ZIM2: variants seen among roughly 807,000 people sequenced by gnomAD.
ZIM2 encodes the protein zinc finger protein 656.
ZIM2 carries 14 observed loss-of-function variants against 38.6 expected under a neutral mutation model. The observed-to-expected ratio is 0.36, with a 90% CI of 0.24 to 0.57. ZIM2 has a LOEUF of 0.57. ZIM2 is among the 20% of genes least tolerant of loss of function. The pLI is 0.81. For synonymous variants in ZIM2, 247 were observed against 245.8 expected (o/e 1.00, Z -0.04); for missense variants, 680 against 695.1 (o/e 0.98, Z 0.24).
Position 56,817,561 on chromosome 19 carries a change from T to C in ZIM2, c.490+185A>G, listed in dbSNP as rs1308181339. 11 of 1,593,144 alleles carry C rather than the reference T, an allele frequency of 6.9e-6. No individual in the cohort carries two copies. In the East Asian group the frequency reaches 2.5e-4, roughly 36 times the overall value. ...CCGCCGGTGGGTTGATTTTTTGGCT[T>C]CAGGCATAGTTTTTAGACCTGGAAA... is the stretch of plus-strand genomic sequence containing the variant. On this transcript the variant is annotated intron_variant, in intron 9 of 12. Transcript: ENST00000629319.
intron 10 of ZIM2, among the ~76,000 whole-genome samples, chr19:56,783,131 T>C (rs2046412568): frequency 6.6e-6 from 1 of 152,150 alleles, no homozygotes; most frequent in African/African-American, 2.4e-5. Context: ...GCATGTTTAT[T>C]ATAGCATGTT....
At chr19:56,821,868 C>T in intron 6 of ZIM2, 114 bp from the exon 7 acceptor site, 3 of 1,104,340 alleles carry the variant, frequency 2.7e-6, no homozygotes, top group Non-Finnish European at 2.7e-6. Flanking sequence ...AGAGCAAGTG[C>T]CTTTCTCTTC....
chr19:56,782,887 T>C (rs956601708), intron 10 of ZIM2, among the ~76,000 whole-genome samples: 2 of 152,110 alleles, frequency 1.3e-5, no homozygotes, highest in African/African-American at 4.8e-5. Context: ...TTACACTCTT[T>C]ATTTTAAAAT....
intron 12 of ZIM2, 99 bp from the exon 13 acceptor site, chr19:56,775,628 C>T: frequency 6.7e-7 from 1 of 1,482,856 alleles, no homozygotes; most frequent in Non-Finnish European, 8.9e-7. Flanking sequence ...GGAGTTAGTG[C>T]TTTGGTTTCA....
chr19:56,836,021 G>C lies in ZIM2; in HGVS notation c.-230C>G, dbSNP rs113154455. On this transcript the variant is annotated 5_prime_UTR_variant, in exon 2 of 13. Coordinates refer to ENST00000629319, the MANE Select transcript of ZIM2 (RefSeq NM_001387356.1). The stretch of plus-strand genomic sequence containing the variant: ...GTGAGGAGGAAATTCAACTCACCTG[G>C]ACCCAGCCACCTAGCGTTTGGACCT... The C allele has an allele frequency of 1.5e-4, 77 of 512,118 alleles. No homozygotes were observed. The highest frequency in any genetic ancestry group is 1.3e-3 in the African/African-American group (70 of 51,980). 31.7% of individuals were successfully genotyped at this position (512,118 alleles called of 1,614,324 possible). A position where few individuals can be genotyped will look rare whatever the true frequency, so the allele number is the denominator to read the frequency against.
intron 7 of ZIM2, among the ~76,000 whole-genome samples, chr19:56,820,895 A>G (rs563772773): frequency 6.6e-6 from 1 of 152,194 alleles, no homozygotes; most frequent in Admixed American, 6.5e-5. Flanking sequence ...AGGAAGGCTC[A>G]GCCCAATGGC....
intron 9 of ZIM2, chr19:56,816,235 G>T: frequency 1.2e-6 from 2 of 1,614,108 alleles, no homozygotes; most frequent in Non-Finnish European, 1.7e-6. Flanking sequence ...TCTTGTTATA[G>T]TATGACTCTT....
chr19:56,776,899 A>G (rs554925432), intron 12 of ZIM2, among the ~76,000 whole-genome samples: 1 of 152,268 alleles, frequency 6.6e-6, no homozygotes, highest in East Asian at 1.9e-4. Flanking sequence ...AGTCCTGGGG[A>G]GCTAGAAACA....
intron 9 of ZIM2, chr19:56,791,198 C>G (rs1277395663): frequency 6.6e-6 from 1 of 152,160 alleles, no homozygotes; most frequent in Non-Finnish European, 1.5e-5. Context: ...GATGCTGAAG[C>G]CAGCAGCCTA....
At chr19:56,778,599 T>G (rs570289983) in intron 12 of ZIM2, among the ~76,000 whole-genome samples, 22 of 152,216 alleles carry the variant, frequency 1.4e-4, no homozygotes, top group Non-Finnish European at 2.8e-4. Context: ...TAGGATTTAT[T>G]GTCAGAGTCG....
intron 9 of ZIM2, chr19:56,813,561 T>C (rs2059688235): frequency 1.4e-6 from 2 of 1,459,130 alleles, no homozygotes; most frequent in South Asian, 1.5e-5. Flanking sequence ...GTCAGGTGTG[T>C]AACACACTAA....
intron 7 of ZIM2, among the ~76,000 whole-genome samples, chr19:56,819,441 A>G (rs2060272634): frequency 6.6e-6 from 1 of 152,222 alleles, no homozygotes; most frequent in Non-Finnish European, 1.5e-5. Context: ...CCAGGATTCT[A>G]AAGGACCTTT....
Position 56,814,553 on chromosome 19 carries a change from G to A in ZIM2, c.490+3193C>T. On this transcript the variant is annotated intron_variant, in intron 9 of 12. Coordinates refer to ENST00000629319, the MANE Select transcript of ZIM2 (RefSeq NM_001387356.1). The surrounding 1 kb of genome is among the most constrained non-coding windows in gnomAD (Gnocchi z 5.8). ...TTATGAACAGTTACGTGATCTGCAAGTTCTGCTGGGTTGACGAAAGATTCT... is the reference window on the plus strand; with the variant it reads ...TTATGAACAGTTACGTGATCTGCAAATTCTGCTGGGTTGACGAAAGATTCT... 6.2e-7 allele frequency: 1 copy of A among 1,613,814 alleles called. No individual in the cohort carries two copies. The highest frequency in any genetic ancestry group is 1.1e-5 in the South Asian group (1 of 91,056).
Position 56,781,954 on chromosome 19 carries a change from C to T in ZIM2, c.738G>A (p.Leu246=), listed in dbSNP as rs750882459. ...MLENYRNLVS[L]GHQFSKPDII... ...GTCCTGTGGAGAAGGCATACTTACC[C>T]AGGGAGACCAGGTTCCGGTAATTCT... is the stretch of plus-strand genomic sequence containing the variant. The change falls in exon 11 of 13, where the codon CTG becomes CTA. Residue 246 remains leucine (L), a splice_region_variant and synonymous_variant. Transcript: ENST00000629319. 2 of 1,613,158 alleles carry T rather than the reference C, an allele frequency of 1.2e-6. No homozygotes were observed. The highest frequency in any genetic ancestry group is 1.3e-5 in the African/African-American group (1 of 74,878).
At position 56,819,827 on chromosome 19, in the gene ZIM2, G is replaced by C. The variant is rs2060305314; in HGVS notation, c.295-1125C>G. On this transcript the variant is annotated intron_variant, in intron 7 of 12. Transcript: ENST00000629319. ...TCTACCATAGTTCTATTGCTGGGAA[G>C]AGGCATGGAGCAACATGAAAAATGT... 2.0e-5 allele frequency among the ~76,000 whole-genome samples: 3 copies of C among 152,148 alleles called. No homozygotes were observed. The South Asian group carries it at 6.2e-4, about 31-fold the overall frequency.
At chr19:56,816,158 T>A (rs768592437) in intron 9 of ZIM2, 3 of 1,614,004 alleles carry the variant, frequency 1.9e-6, no homozygotes, top group East Asian at 2.2e-5. Context: ...TTAGTGGGAA[T>A]CTTCTGGTTT....
At chr19:56,792,899 C>A (rs774007056) in intron 9 of ZIM2, 2 of 152,580 alleles carry the variant, frequency 1.3e-5, no homozygotes, top group Non-Finnish European at 2.9e-5. Flanking sequence ...TGCATTCTTT[C>A]ATTCATTCAC....
intron 2 of ZIM2, among the ~76,000 whole-genome samples, chr19:56,833,954 C>A (rs751565756): frequency 2.0e-5 from 3 of 152,168 alleles, no homozygotes; most frequent in African/African-American, 7.2e-5. Flanking sequence ...ACTTACCACA[C>A]TGCAGCAAAA....
At chr19:56,792,629 C>T (rs184653835) in intron 9 of ZIM2, among the ~76,000 whole-genome samples, 15 of 149,374 alleles carry the variant, frequency 1.0e-4, no homozygotes, top group African/African-American at 3.5e-4. Context: ...GACTCTAAGA[C>T]GGGAACAATA....
Sources: allele counts gnomAD v4.1 joint callset (sites outside exome capture counted in the v4.1 genomes callset), GRCh38; gene constraint gnomAD v4.1.1; non-coding constraint Gnocchi (gnomAD v3.1); transcripts MANE v1.5; gene names NCBI Gene and HGNC (gene_info 2026-07-23, HGNC 2026-07-21).